Variants in PPP1R15A observed in about 807,000 individuals in gnomAD.
PPP1R15A encodes the protein protein phosphatase 1 regulatory subunit 15A, also known as growth arrest and DNA damage-inducible protein GADD34.
Under a neutral mutation model 48.5 loss-of-function variants are expected in PPP1R15A, and 43 were observed. That is an observed-to-expected ratio of 0.89 (90% CI 0.69 to 1.14). The LOEUF is 1.14. Among genes scored for constraint, PPP1R15A ranks in the 50% most tolerant of loss-of-function variants. The probability of loss-of-function intolerance (pLI) is 0.00; values close to 1 mark genes in which losing one functional copy is unlikely to be tolerated. For synonymous variants in PPP1R15A, 327 were observed against 327.4 expected, an observed-to-expected ratio of 1.00 and a Z score of 0.01; for missense variants, 868 against 847.2, an observed-to-expected ratio of 1.02 and a Z score of -0.30.
At chr19:48,873,177 A>G in intron 1 of PPP1R15A, 48 bp from the exon 2 acceptor site, 7 of 1,424,976 alleles carry the variant, frequency 4.9e-6, no homozygotes, top group Non-Finnish European at 6.5e-6. Context: ...CCCGGATGCC[A>G]TCCTCTAAAT....
At chr19:48,872,783 C>T (rs1402864954) in intron 1 of PPP1R15A, 132 bp downstream of exon 1, 1 of 275,116 alleles carries the variant, frequency 3.6e-6, no homozygotes, top group South Asian at 3.2e-5. Flanking sequence ...TTGGGTCCCC[C>T]GTGAAGGAAT....
intron 2 of PPP1R15A, 151 bp downstream of exon 2, chr19:48,875,049 C>T (rs949603112): frequency 4.0e-6 from 4 of 998,610 alleles, no homozygotes; most frequent in Non-Finnish European, 1.4e-6. Context: ...GCCTCAGCCT[C>T]CAGAGTATCT....
rs1034082260 is a variant in PPP1R15A at position 48,872,441 on chromosome 19, C to T, written c.-220C>T. 22 of 456,414 alleles carry T rather than the reference C, an allele frequency of 4.8e-5. No homozygotes were observed. The highest frequency in any genetic ancestry group is 8.4e-5 in the Non-Finnish European group (19 of 226,814). 28.3% of individuals were successfully genotyped at this position (456,414 alleles called of 1,614,324 possible). ...TCGTTGCTCTTATCGGTTCCCATCC[C>T]AGTTGTTGATCTTATGCAAGACGCT... On this transcript the variant is annotated 5_prime_UTR_variant, in exon 1 of 3. Coordinates refer to ENST00000200453, the MANE Select transcript of PPP1R15A (RefSeq NM_014330.5).
chr19:48,873,632 A>G lies in PPP1R15A; in HGVS notation c.399A>G (p.Gln133=). The change falls in exon 2 of 3, where the codon CAA becomes CAG. Residue 133 remains glutamine, a synonymous_variant. Coordinates refer to ENST00000200453, the MANE Select transcript of PPP1R15A (RefSeq NM_014330.5). ...GTGTCCCTAGAGGGCAGGGAAGTCA[A>G]TTTGCAGATGGCCAGCGTGCTCCCC... ...ATSVPRGQGS[Q]FADGQRAPLS... 1 of 1,614,104 alleles carries G rather than the reference A, an allele frequency of 6.2e-7. No individual in the cohort carries two copies. Among genetic ancestry groups the G allele is most frequent in the South Asian group, 1.1e-5 (1 of 91,074 alleles).
rs1054133195 is a variant in PPP1R15A, at chr19:48,872,520, C to CT, written c.-140dup. The CT allele has an allele frequency of 2.0e-5, 9 of 456,306 alleles. No homozygotes were observed. Among genetic ancestry groups the CT allele is most frequent in the Non-Finnish European group, 3.1e-5 (7 of 226,746 alleles). 28.3% of individuals were successfully genotyped at this position (456,306 alleles called of 1,614,324 possible). On this transcript the variant is annotated 5_prime_UTR_variant, in exon 1 of 3. An upstream open reading frame in the 5' UTR loses its in-frame stop. Transcript: ENST00000200453. ...GGCACTTGAGGCAGCCGGAGATACT[C>CT]TGAGTTACTCGGAGCCCGACGCCTG... is the stretch of plus-strand genomic sequence containing the variant.
chr19:48,872,512 G>A lies in PPP1R15A; in HGVS notation c.-149G>A. 1 of 456,448 alleles carries A rather than the reference G, an allele frequency of 2.2e-6. No homozygotes were observed. Among genetic ancestry groups the A allele is most frequent in the Admixed American group, 2.3e-5 (1 of 42,564 alleles). The allele number at this position is 456,448 out of a possible 1,614,324, so 28.3% of individuals were successfully genotyped here. ...GTCGCCACGGCACTTGAGGCAGCCG[G>A]AGATACTCTGAGTTACTCGGAGCCC... is the stretch of plus-strand genomic sequence containing the variant. On this transcript the variant is annotated 5_prime_UTR_variant, in exon 1 of 3. Transcript: ENST00000200453.
chr19:48,873,480 G>A lies in PPP1R15A; in HGVS notation c.247G>A (p.Ala83Thr), dbSNP rs2037035240. 2.5e-6 allele frequency: 4 copies of A among 1,614,058 alleles called. No individual in the cohort carries two copies. The highest frequency in any genetic ancestry group is 3.4e-6 in the Non-Finnish European group (4 of 1,180,008). The change falls in exon 2 of 3, where the codon GCT (alanine) becomes ACT (threonine). Residue 83 changes from alanine to threonine, a missense_variant. Transcript: ENST00000200453. ...TTGGGGCAGACGCCCTGAAGAGGAG[G>A]CTGAAGACAGTGGAGGCCCTGGAGA... ...TPWGRRPEEEAEDSGGPGEDR... is the reference protein window; with the variant it reads ...TPWGRRPEEETEDSGGPGEDR...
chr19:48,874,359 TC>T lies in PPP1R15A; in HGVS notation c.1128del (p.Ser377LeufsTer10), dbSNP rs763654701. 3.7e-6 allele frequency: 6 copies of T among 1,613,248 alleles called. No homozygotes were observed. Among genetic ancestry groups the T allele is most frequent in the Non-Finnish European group, 5.1e-6 (6 of 1,179,790 alleles). On this transcript the variant is annotated frameshift_variant, in exon 2 of 3. Transcript: ENST00000200453. LOFTEE classifies it high-confidence loss of function. ...TGAGGAAGAGGGAGAAGCTGAGGCT[TC>T]CTCTTCCACTCCTGCTACAGGTGTC... is the stretch of plus-strand genomic sequence containing the variant. ...SDEEEGEAEA[S>X]SSTPATGVFL...
intron 2 of PPP1R15A, 71 bp from the exon 3 acceptor site, chr19:48,875,541 CTT>C (rs1255266823): frequency 6.7e-7 from 1 of 1,496,606 alleles, no homozygotes; most frequent in East Asian, 2.3e-5. Context: ...CTCTCTCTCT[CTT>C]CCCCGCCCTC....
intron 2 of PPP1R15A, chr19:48,875,320 C>T: frequency 2.2e-6 from 1 of 463,914 alleles, no homozygotes; most frequent in East Asian, 3.5e-5. Flanking sequence ...TGCATGTCAT[C>T]TCCATGGAGA....
chr19:48,873,816 G>C lies in PPP1R15A; in HGVS notation c.583G>C (p.Asp195His), dbSNP rs746564900. Residue 195 changes from aspartate (D) to histidine (H), a missense_variant, in exon 2 of 3, where the codon GAT (aspartate) becomes CAT (histidine). Coordinates refer to ENST00000200453, the MANE Select transcript of PPP1R15A (RefSeq NM_014330.5). The stretch of plus-strand genomic sequence containing the variant: ...TTGTCCAGCCGTGGAGGAGGAGGAC[G>C]ATGAAGAAGCTGTAAAGAAAGAAGC... ...ECCPAVEEED[D>H]EEAVKKEAHR... The C allele has an allele frequency of 1.9e-6, 3 of 1,613,952 alleles. No homozygotes were observed. Among genetic ancestry groups the C allele is most frequent in the Non-Finnish European group, 2.5e-6 (3 of 1,180,018 alleles).
rs199878289 is a variant in PPP1R15A, at chr19:48,875,654, T to G, written c.1706T>G (p.Val569Gly). 463 of 1,608,200 alleles carry G rather than the reference T, an allele frequency of 2.9e-4. No individual in the cohort carries two copies. The highest frequency in any genetic ancestry group is 3.7e-4 in the Non-Finnish European group (432 of 1,177,914). The change falls in exon 3 of 3, where the codon GTC becomes GGC. Residue 569 changes from valine to glycine, a missense_variant. Val to Gly is a moderately radical substitution (Grantham distance 109). Transcript: ENST00000200453. ...SEKVTVHFLA[V>G]WAGPAQAARQ... ...AAGGTCACTGTCCATTTCCTGGCTGTCTGGGCAGGGCCGGCCCAGGCCGCC... is the reference window on the plus strand; with the variant it reads ...AAGGTCACTGTCCATTTCCTGGCTGGCTGGGCAGGGCCGGCCCAGGCCGCC...
rs1420244643 is a variant in PPP1R15A, at chr19:48,875,055, T to C, written c.1665+157T>C. The C allele has an allele frequency of 1.0e-5, 9 of 893,250 alleles. No homozygotes were observed. The Admixed American group carries it at 1.3e-4, about 13-fold the overall frequency. 55.3% of individuals were successfully genotyped at this position (893,250 alleles called of 1,614,324 possible). On this transcript the variant is annotated intron_variant, in intron 2 of 2. Transcript: ENST00000200453. ...GATTCTCGTGCCTCAGCCTCCAGAG[T>C]ATCTGGGATTACAGGCGCATGACAC... is the stretch of plus-strand genomic sequence containing the variant.
At chr19:48,873,187 T>C in intron 1 of PPP1R15A, 38 bp from the exon 2 acceptor site, 1 of 1,434,700 alleles carries the variant, frequency 7.0e-7, no homozygotes, top group African/African-American at 1.4e-5. Context: ...ATCCTCTAAA[T>C]GGCCCCTAAA....
Position 48,872,612 on chromosome 19 carries a change from C to T in PPP1R15A, c.-49C>T, listed in dbSNP as rs2037021139. On this transcript the variant is annotated 5_prime_UTR_variant, in exon 1 of 3. Coordinates refer to ENST00000200453, the MANE Select transcript of PPP1R15A (RefSeq NM_014330.5). ...TGTGATCGCTTCTGGCAGACCGAAC[C>T]GGCGCTCCTGCCCCCGGGGTGACGC... The T allele has an allele frequency of 5.1e-6, 2 of 395,122 alleles. No homozygotes were observed. Among genetic ancestry groups the T allele is most frequent in the Admixed American group, 2.7e-5 (1 of 37,338 alleles). The allele number at this position is 395,122 out of a possible 1,614,324, so 24.5% of individuals were successfully genotyped here. A position where few individuals can be genotyped will look rare whatever the true frequency, so the allele number is the denominator to read the frequency against.
Position 48,873,995 on chromosome 19 carries a change from C to T in PPP1R15A, c.762C>T (p.Gly254=). ...CCTCCGTGTCCCCCCGATCTTCAGG[C>T]TCCGACCCCAGGTCCTGGGAGTATC... ...RKTSVSPRSS[G]SDPRSWEYRS... The change falls in exon 2 of 3, where the codon GGC becomes GGT. Residue 254 remains glycine, a synonymous_variant. Transcript: ENST00000200453. The T allele has an allele frequency of 6.2e-7, 1 of 1,614,192 alleles. No homozygotes were observed. Among genetic ancestry groups the T allele is most frequent in the Non-Finnish European group, 8.5e-7 (1 of 1,180,036 alleles).
chr19:48,875,033 TCTCGTGC>T, intron 2 of PPP1R15A, 135 bp downstream of exon 2: 1 of 1,101,874 alleles, frequency 9.1e-7, no homozygotes, highest in Non-Finnish European at 1.2e-6. Flanking sequence ...TTCAGGCGAT[TCTCGTGC>T]CTCAGCCTCC....
At chr19:48,872,925 A>G (rs1260122088) in intron 1 of PPP1R15A, among the ~76,000 whole-genome samples, 2 of 152,094 alleles carry the variant, frequency 1.3e-5, no homozygotes, top group East Asian at 1.9e-4. Flanking sequence ...GGAAGCAAGT[A>G]AAGACTTTTG....
Position 48,873,444 on chromosome 19 carries a change from C to A in PPP1R15A, c.211C>A (p.Pro71Thr). The A allele has an allele frequency of 2.5e-6, 4 of 1,612,960 alleles. No homozygotes were observed. Among genetic ancestry groups the A allele is most frequent in the Non-Finnish European group, 2.5e-6 (3 of 1,179,472 alleles). The change falls in exon 2 of 3, where the codon CCC (proline) becomes ACC (threonine). Residue 71 changes from proline (P) to threonine (T), a missense_variant. Physicochemically the swap from Pro to Thr is conservative, Grantham distance 38. Coordinates refer to ENST00000200453, the MANE Select transcript of PPP1R15A (RefSeq NM_014330.5). ...AGAAGCTAGGACTCCTCTGGCAATC[C>A]CCCATACCCCTTGGGGCAGACGCCC... ...EGEARTPLAI[P>T]HTPWGRRPEE...
Sources: gnomAD v4.1 joint callset for allele counts (sites outside exome capture counted in the v4.1 genomes callset) on GRCh38, gnomAD v4.1.1 for gene constraint, MANE v1.5 for transcripts, NCBI Gene and HGNC (gene_info 2026-07-23, HGNC 2026-07-21) for gene names.